MACROD2: variants seen among roughly 807,000 people sequenced by gnomAD.
MACROD2 encodes ADP-ribose glycohydrolase MACROD2.
In MACROD2, 36 loss-of-function variants were observed where a neutral mutation model predicts 70.4. That is an observed-to-expected ratio of 0.51 (90% CI 0.39 to 0.68). The LOEUF is 0.68. Ranked by LOEUF, MACROD2 falls within the 30% of genes least tolerant of loss-of-function variation. The pLI, the probability that MACROD2 is intolerant of heterozygous loss-of-function variation, is 0.00. For missense variants in MACROD2, 496 were observed against 538.4 expected (o/e 0.92, Z 0.78); for synonymous variants, 172 against 178.8 (o/e 0.96, Z 0.30).
chr20:15,164,036 G>A (rs528023344), intron 5 of MACROD2, among the ~76,000 whole-genome samples: 1 of 151,984 alleles, frequency 6.6e-6, no homozygotes, highest in African/African-American at 2.4e-5. Context: ...GTGTCTGATG[G>A]CAATCAATGT....
chr20:14,090,608 T>G (rs1028795817), intron 3 of MACROD2, among the ~76,000 whole-genome samples: 1 of 151,946 alleles, frequency 6.6e-6, no homozygotes, highest in Non-Finnish European at 1.5e-5. Flanking sequence ...TGCTGCCACC[T>G]TTGTATTTAT....
chr20:15,685,839 C>T (rs1022539125), intron 8 of MACROD2, among the ~76,000 whole-genome samples: 2 of 152,098 alleles, frequency 1.3e-5, no homozygotes, highest in Non-Finnish European at 2.9e-5. Context: ...CTGCATGCAC[C>T]GACCTCATCA....
chr20:15,615,473 A>G (rs962248723), intron 8 of MACROD2, among the ~76,000 whole-genome samples: 2 of 152,164 alleles, frequency 1.3e-5, no homozygotes, highest in Non-Finnish European at 2.9e-5. Context: ...GGACACCTTC[A>G]TCAGAGCTGA....
chr20:15,230,175 T>A, intron 6 of MACROD2, 114 bp downstream of exon 6: 1 of 1,010,132 alleles, frequency 9.9e-7, no homozygotes, highest in Non-Finnish European at 1.4e-6. Flanking sequence ...GAACTAAGTT[T>A]AAGGATCTTA....
intron 5 of MACROD2, among the ~76,000 whole-genome samples, chr20:14,890,882 C>T (rs189155347): frequency 8.6e-5 from 13 of 151,960 alleles, no homozygotes; most frequent in Admixed American, 1.3e-4. Flanking sequence ...GGGTGGATTG[C>T]TGGCAGCAAT....
At chr20:14,100,609 A>G (rs2054285424) in intron 3 of MACROD2, among the ~76,000 whole-genome samples, 1 of 144,090 alleles carries the variant, frequency 6.9e-6, no homozygotes. Context: ...TAAATATTAT[A>G]TATAGTATAT....
chr20:15,096,280 G>T (rs2075831514), intron 5 of MACROD2, among the ~76,000 whole-genome samples: 1 of 151,898 alleles, frequency 6.6e-6, no homozygotes, highest in Non-Finnish European at 1.5e-5. Context: ...GGTACTCTAG[G>T]ATTCTGGAGA....
intron 5 of MACROD2, among the ~76,000 whole-genome samples, chr20:15,194,271 G>C (rs1036823583): frequency 1.8e-5 from 1 of 56,822 alleles, no homozygotes; most frequent in East Asian, 8.8e-4. Context: ...AAAAAAAAAA[G>C]CTTCTTCCAG....
rs142965730 is a variant in MACROD2, at chr20:14,850,108, T to C, written c.418+165149T>C. On this transcript the variant is annotated intron_variant, in intron 5 of 17. Coordinates refer to ENST00000684519, the MANE Select transcript of MACROD2 (RefSeq NM_001351661.2). The stretch of plus-strand genomic sequence containing the variant: ...CAAAATAACGTAGGATGGAGAGCCA[T>C]AGTTTAAAAGTTTGAAAGCTTTGGG... 867 of 424,644 alleles carry C rather than the reference T, an allele frequency of 2.0e-3. 5 individuals carry two copies. Among genetic ancestry groups the C allele is most frequent in the Non-Finnish European group, 3.3e-3 (706 of 216,828 alleles). 26.3% of individuals were successfully genotyped at this position (424,644 alleles called of 1,614,324 possible). A position where few individuals can be genotyped will look rare whatever the true frequency, so the allele number is the denominator to read the frequency against.
intron 8 of MACROD2, among the ~76,000 whole-genome samples, chr20:15,597,645 C>T (rs902818533): frequency 1.3e-4 from 20 of 152,130 alleles, no homozygotes; most frequent in African/African-American, 4.6e-4. Context: ...GAAGAATCAA[C>T]AAAAATGCTT....
intron 4 of MACROD2, chr20:14,632,059 T>G (rs1834462210): frequency 6.6e-6 from 1 of 152,086 alleles, no homozygotes; most frequent in Non-Finnish European, 1.5e-5. Flanking sequence ...TTCAGAAGTC[T>G]TTTTGCCTGC....
intron 8 of MACROD2, among the ~76,000 whole-genome samples, chr20:15,577,700 T>C (rs549837768): frequency 1.3e-5 from 2 of 152,318 alleles, no homozygotes; most frequent in East Asian, 1.9e-4. Context: ...CTGCCATAGA[T>C]AAACACATGT....
chr20:14,084,678 T>G (rs1383525352), intron 2 of MACROD2, among the ~76,000 whole-genome samples: 2 of 152,160 alleles, frequency 1.3e-5, no homozygotes, highest in Non-Finnish European at 2.9e-5. Flanking sequence ...TAGATATACC[T>G]GCTTGCTGGC....
At chr20:14,042,403 C>G (rs893654232) in intron 2 of MACROD2, among the ~76,000 whole-genome samples, 2 of 152,170 alleles carry the variant, frequency 1.3e-5, no homozygotes, top group Non-Finnish European at 2.9e-5. Flanking sequence ...CACCAATTAA[C>G]ACAGAAGACT....
At chr20:15,622,567 C>T (rs1032116906) in intron 8 of MACROD2, among the ~76,000 whole-genome samples, 8 of 152,102 alleles carry the variant, frequency 5.3e-5, no homozygotes, top group East Asian at 1.9e-4. Flanking sequence ...GACACAGGGA[C>T]GATTCACATC....
intron 5 of MACROD2, among the ~76,000 whole-genome samples, chr20:14,964,888 A>G (rs6034071): frequency 0.016 from 2,416 of 152,290 alleles, 61 homozygotes; most frequent in African/African-American, 0.053. Flanking sequence ...TGAAGCAGGT[A>G]TAGGCGGAAT....
rs115024452 is a variant in MACROD2, at chr20:15,659,216, G to T, written c.645+159369G>T. Among the ~76,000 whole-genome samples the T allele has an allele frequency of 8.0e-3, 1,195 of 149,558 alleles. 13 individuals carry two copies. Among genetic ancestry groups the T allele is most frequent in the African/African-American group, 0.028 (1,140 of 40,562 alleles). On this transcript the variant is annotated intron_variant, in intron 8 of 17. Transcript: ENST00000684519. ...TGGTTTGTAGGTATATGATACCTTG[G>T]TTATTTCCATTTATTTTTAAGATCT... is the stretch of plus-strand genomic sequence containing the variant.
In MACROD2 at chr20:14,632,434, T is replaced by G. The variant is rs556344079; in HGVS notation, c.302-52409T>G. Among the ~76,000 whole-genome samples, 6 of 152,302 alleles carry G rather than the reference T, an allele frequency of 3.9e-5. No individual in the cohort carries two copies. In the South Asian group the frequency reaches 1.2e-3, roughly 32 times the overall value. ...TGGTAGATATGGGAAATTGTCAATA[T>G]ATTTGTAATTCATGCAGCAAACATA... On this transcript the variant is annotated intron_variant, in intron 4 of 17. Coordinates refer to ENST00000684519, the MANE Select transcript of MACROD2 (RefSeq NM_001351661.2).
At chr20:15,857,335 A>C (rs1416962704) in intron 8 of MACROD2, among the ~76,000 whole-genome samples, 2 of 152,204 alleles carry the variant, frequency 1.3e-5, no homozygotes, top group Non-Finnish European at 2.9e-5. Context: ...GGAGAGAACA[A>C]AGACAAATGA....
Sources: gnomAD v4.1 joint callset for allele counts (sites outside exome capture counted in the v4.1 genomes callset) on GRCh38, gnomAD v4.1.1 for gene constraint, MANE v1.5 for transcripts, NCBI Gene and HGNC (gene_info 2026-07-23, HGNC 2026-07-21) for gene names.